ZNF652: variants seen among roughly 807,000 people sequenced by gnomAD.
ZNF652 encodes the protein zinc finger protein 652.
ZNF652 carries 16 observed loss-of-function variants against 45.2 expected under a neutral mutation model. The observed-to-expected ratio is 0.35, with a 90% CI of 0.24 to 0.54. ZNF652 has a LOEUF of 0.54. Among genes scored for constraint, ZNF652 ranks in the 20% least tolerant of loss-of-function variants. The pLI is 0.91. For synonymous variants in ZNF652, 250 were observed against 260.6 expected (o/e 0.96, Z 0.39); for missense variants, 614 against 765.6 (o/e 0.80, Z 2.34).
intron 1 of ZNF652, among the ~76,000 whole-genome samples, chr17:49,319,054 T>C (rs563200272): frequency 1.4e-3 from 216 of 152,294 alleles, no homozygotes; most frequent in African/African-American, 5.0e-3. Context: ...ATGAGGTTGA[T>C]ATGGTTCCAA....
In ZNF652 at chr17:49,295,937, C is replaced by CAAAAAAAAATAAAAAAA. The variant is rs2069468003; in HGVS notation, c.*2475_*2476insTTTTTTTATTTTTTTTT. The CAAAAAAAAATAAAAAAA allele has an allele frequency of 2.0e-5, 1 of 51,222 alleles. No homozygotes were observed. The highest frequency in any genetic ancestry group is 3.6e-5 in the Non-Finnish European group (1 of 27,552). The allele number at this position is 51,222 out of a possible 1,614,324, so 3.2% of individuals were successfully genotyped here. A position where few individuals can be genotyped will look rare whatever the true frequency, so the allele number is the denominator to read the frequency against. On this transcript the variant is annotated 3_prime_UTR_variant, in exon 6 of 6. Coordinates refer to ENST00000430262, the MANE Select transcript of ZNF652 (RefSeq NM_001145365.3). ...CAGGCAACAGAACAAGACTCTGCCT[C>CAAAAAAAAATAAAAAAA]AAAAAAAAAAAAAAAAAAAAAAAAA...
Position 49,292,519 on chromosome 17 carries a change from T to C in ZNF652, c.*5894A>G, listed in dbSNP as rs1371395802. On this transcript the variant is annotated 3_prime_UTR_variant, in exon 6 of 6. Coordinates refer to ENST00000430262, the MANE Select transcript of ZNF652 (RefSeq NM_001145365.3). The stretch of plus-strand genomic sequence containing the variant: ...ACCCAGGGAGCAATTTTAAATTAAT[T>C]TGACTAAAATAAAGAGTATAGTCTT... Among the ~76,000 whole-genome samples the C allele has an allele frequency of 2.0e-5, 3 of 152,112 alleles. No individual in the cohort carries two copies. Among genetic ancestry groups the C allele is most frequent in the Non-Finnish European group, 4.4e-5 (3 of 68,034 alleles).
intron 1 of ZNF652, among the ~76,000 whole-genome samples, chr17:49,327,239 T>G (rs980790696): frequency 6.6e-6 from 1 of 152,264 alleles, no homozygotes; most frequent in Non-Finnish European, 1.5e-5. Flanking sequence ...CTCAGCTCAC[T>G]GCAACCTCTG....
Position 49,293,087 on chromosome 17 carries a change from T to A in ZNF652, c.*5326A>T, listed in dbSNP as rs75904857. 6.6e-6 allele frequency among the ~76,000 whole-genome samples: 1 copy of A among 151,954 alleles called. No homozygotes were observed. Among genetic ancestry groups the A allele is most frequent in the South Asian group, 2.1e-4 (1 of 4,790 alleles). ...TACTCATGTGTCTGTCATAAAGAAA[T>A]AAAACAACTCCAGGAACCTGTGACC... On this transcript the variant is annotated 3_prime_UTR_variant, in exon 6 of 6. Transcript: ENST00000430262.
chr17:49,351,010 TATATACACAC>T lies in ZNF652; in HGVS notation c.-259+10889_-259+10898del, dbSNP rs1312254864. ...ATATATATATATATATATATATATA[TATATACACAC>T]ACACACACACACACACACACACACA... is the stretch of plus-strand genomic sequence containing the variant. On this transcript the variant is annotated intron_variant, in intron 1 of 5. Coordinates refer to ENST00000430262, the MANE Select transcript of ZNF652 (RefSeq NM_001145365.3). 3.6e-3 allele frequency among the ~76,000 whole-genome samples: 70 copies of T among 19,646 alleles called. 2 individuals are homozygous for T. Among genetic ancestry groups the T allele is most frequent in the African/African-American group, 0.017 (67 of 4,026 alleles). 12.9% of individuals were successfully genotyped at this position (19,646 alleles called of 152,430 possible).
chr17:49,325,654 C>CAA (rs199515200), intron 1 of ZNF652, among the ~76,000 whole-genome samples: 3 of 133,338 alleles, frequency 2.2e-5, no homozygotes, highest in Non-Finnish European at 4.9e-5. Flanking sequence ...CTCGTCTCTA[C>CAA]AAAAAAAAAA....
At chr17:49,312,097 TA>T in intron 3 of ZNF652, 55 bp from the exon 4 acceptor site, 1 of 1,143,178 alleles carries the variant, frequency 8.7e-7, no homozygotes, top group Non-Finnish European at 1.2e-6. Flanking sequence ...AAGCTCAAAC[TA>T]AAAAGGCATC....
At position 49,309,581 on chromosome 17, in the gene ZNF652, G is replaced by GT. The variant is rs200017781; in HGVS notation, c.1309+1730dup. 4.6e-3 allele frequency among the ~76,000 whole-genome samples: 698 copies of GT among 151,192 alleles called. 5 individuals carry two copies. Among genetic ancestry groups the GT allele is most frequent in the Non-Finnish European group, 7.0e-3 (475 of 67,894 alleles). On this transcript the variant is annotated intron_variant, in intron 5 of 5. Transcript: ENST00000430262. Reference sequence around the variant, plus strand: ...CTGTTTAGTTCCATGTTTTCTTGCCGTATCACACACAAAAAAACCTGAACC... The same window carrying GT: ...CTGTTTAGTTCCATGTTTTCTTGCCGTTATCACACACAAAAAAACCTGAACC...
chr17:49,297,877 G>A lies in ZNF652; in HGVS notation c.*536C>T, dbSNP rs142062726. ...TAGTAAAATAAAGAGTGCGTTAGGA[G>A]AGCTACACAAAGAAGAAAATTTCTG... On this transcript the variant is annotated 3_prime_UTR_variant, in exon 6 of 6. Transcript: ENST00000430262. The A allele has an allele frequency of 5.5e-3, 854 of 154,518 alleles. 3 individuals are homozygous for A. The highest frequency in any genetic ancestry group is 8.9e-3 in the Non-Finnish European group (614 of 69,200). 9.6% of individuals were successfully genotyped at this position (154,518 alleles called of 1,614,324 possible).
At chr17:49,288,790 T>C (rs2069365991), downstream of ZNF652, among the ~76,000 whole-genome samples, 2 of 151,952 alleles carry the variant, frequency 1.3e-5, no homozygotes, top group African/African-American at 4.8e-5. Context: ...GTACCATATT[T>C]TATAATTATT....
chr17:49,347,749 T>G lies in ZNF652; in HGVS notation c.-259+14160A>C, dbSNP rs547743175. On this transcript the variant is annotated intron_variant, in intron 1 of 5. Transcript: ENST00000430262. The stretch of plus-strand genomic sequence containing the variant: ...ATTGAACCTTGGTTTTGTTTTTTTT[T>G]TTTTTTTTTTTTTTGAGACACAGTC... 8.3e-3 allele frequency among the ~76,000 whole-genome samples: 1,191 copies of G among 142,908 alleles called. 27 individuals are homozygous for G. The highest frequency in any genetic ancestry group is 0.025 in the African/African-American group (968 of 38,478). The allele number at this position is 142,908 out of a possible 152,430, so 93.8% of individuals were successfully genotyped here.
intron 1 of ZNF652, among the ~76,000 whole-genome samples, chr17:49,345,906 T>G (rs769982181): frequency 6.6e-6 from 1 of 150,688 alleles, no homozygotes; most frequent in Non-Finnish European, 1.5e-5. Context: ...ATCATTTAGA[T>G]GCGAAGTGTT....
intron 1 of ZNF652, among the ~76,000 whole-genome samples, chr17:49,349,311 A>G (rs935612583): frequency 1.3e-5 from 2 of 152,184 alleles, no homozygotes; most frequent in Non-Finnish European, 2.9e-5. Flanking sequence ...AGACAGCAGA[A>G]TTGCTTGAAT....
intron 1 of ZNF652, among the ~76,000 whole-genome samples, chr17:49,323,624 T>C (rs546975645): frequency 1.3e-5 from 2 of 152,252 alleles, no homozygotes; most frequent in East Asian, 3.9e-4. Flanking sequence ...ATTTCTTAAA[T>C]AATAAGACTA....
At chr17:49,329,835 C>T (rs974497561) in intron 1 of ZNF652, among the ~76,000 whole-genome samples, 17 of 152,326 alleles carry the variant, frequency 1.1e-4, no homozygotes, top group Admixed American at 9.8e-4. Flanking sequence ...TAATTACCTT[C>T]AAGCATCAAC....
intron 5 of ZNF652, among the ~76,000 whole-genome samples, chr17:49,306,580 C>T (rs1255087488): frequency 2.0e-5 from 3 of 152,100 alleles, no homozygotes; most frequent in Non-Finnish European, 2.9e-5. Flanking sequence ...AGTCACTGCA[C>T]CTGGTCGCAA....
intron 1 of ZNF652, chr17:49,322,427 A>T (rs2069905200): frequency 6.6e-6 from 1 of 152,202 alleles, no homozygotes. Flanking sequence ...GGCTTCATGA[A>T]CAAAACTCTT....
Position 49,311,358 on chromosome 17 carries a change from A to C in ZNF652, c.1263T>G (p.Asp421Glu). Residue 421 changes from aspartate (D) to glutamate (E), a missense_variant, in exon 5 of 6, where the codon GAT becomes GAG. Transcript: ENST00000430262. The part of the protein sequence containing the change: ...KQFMCQWCGK[D>E]FNMKQYFDEH... ...CGTCGAAGTACTGCTTCATGTTGAA[A>C]TCCTTGCCACACCACTGGCACATGA... 6.2e-7 allele frequency: 1 copy of C among 1,614,162 alleles called. No homozygotes were observed. Among genetic ancestry groups the C allele is most frequent in the Non-Finnish European group, 8.5e-7 (1 of 1,180,006 alleles).
Position 49,317,717 on chromosome 17 carries a change from G to A in ZNF652, c.9C>T (p.His3=), listed in dbSNP as rs1443925571. Residue 3 remains histidine (H), a synonymous_variant, in exon 2 of 6, where the codon CAC becomes CAT. Transcript: ENST00000430262. Reference sequence around the variant, plus strand: ...CCAGCTCCTGACAAGAACTGGCTGTGTGGCTCATTGGTAAGTGGCCCAATT... The same window carrying A: ...CCAGCTCCTGACAAGAACTGGCTGTATGGCTCATTGGTAAGTGGCCCAATT... The part of the protein sequence containing the change: MS[H]TASSCQELVE... 1 of 1,584,072 alleles carries A rather than the reference G, an allele frequency of 6.3e-7. No homozygotes were observed. The highest frequency in any genetic ancestry group is 8.6e-7 in the Non-Finnish European group (1 of 1,160,266).
Sources: allele counts gnomAD v4.1 joint callset (sites outside exome capture counted in the v4.1 genomes callset), GRCh38; gene constraint gnomAD v4.1.1; transcripts MANE v1.5; gene names NCBI Gene and HGNC (gene_info 2026-07-23, HGNC 2026-07-21).